Variants in DCC observed in about 807,000 individuals in gnomAD.
DCC encodes DCC netrin 1 receptor, also known as netrin receptor DCC.
Under a neutral mutation model 172.5 loss-of-function variants are expected in DCC, and 58 were observed. That is an observed-to-expected ratio of 0.34 (90% CI 0.27 to 0.42). The LOEUF is 0.42. Ranked by LOEUF, DCC falls within the 10% of genes least tolerant of loss-of-function variation. The pLI is 1.00. For synonymous variants in DCC, 709 were observed against 644.5 expected (o/e 1.10, Z -1.52); for missense variants, 1,740 against 1,791.0 (o/e 0.97, Z 0.51).
At chr18:52,687,762 C>G (rs966998062) in intron 1 of DCC, among the ~76,000 whole-genome samples, 3 of 151,904 alleles carry the variant, frequency 2.0e-5, no homozygotes, top group Admixed American at 6.6e-5. Flanking sequence ...GCAGTGGTAC[C>G]TAGAGTTTTA....
At chr18:52,590,539 T>G (rs1342216826) in intron 1 of DCC, among the ~76,000 whole-genome samples, 2 of 152,232 alleles carry the variant, frequency 1.3e-5, no homozygotes, top group Non-Finnish European at 2.9e-5. Context: ...ACAGATCTGT[T>G]TGTTTCAGAA....
chr18:53,010,183 AC>A (rs1268602403), intron 5 of DCC, among the ~76,000 whole-genome samples: 1 of 151,902 alleles, frequency 6.6e-6, no homozygotes, highest in Non-Finnish European at 1.5e-5. Context: ...GAAGCAAAAT[AC>A]CCTGTCTAAT....
At chr18:53,086,698 C>A (rs1214060155) in intron 7 of DCC, among the ~76,000 whole-genome samples, 1 of 127,492 alleles carries the variant, frequency 7.8e-6, no homozygotes, top group East Asian at 2.2e-4. Flanking sequence ...TGCGCTGCAC[C>A]CACTAACTCG....
chr18:52,675,776 T>C (rs978279655), intron 1 of DCC, among the ~76,000 whole-genome samples: 1 of 152,238 alleles, frequency 6.6e-6, no homozygotes, highest in African/African-American at 2.4e-5. Context: ...AGCGTTGACA[T>C]AGAAAAAGAT....
intron 27 of DCC, among the ~76,000 whole-genome samples, chr18:53,499,963 C>A (rs780873177): frequency 1.3e-5 from 2 of 152,124 alleles, no homozygotes; most frequent in Non-Finnish European, 2.9e-5. Context: ...CTCAGGAGTT[C>A]TTATTTATTT....
Position 52,375,095 on chromosome 18 carries a change from G to A in DCC, c.91+34217G>A, listed in dbSNP as rs545239723. Reference sequence around the variant, plus strand: ...TCTTCTTGATCCCCCTTTGTGGTACGTGGTTGCCTTTTGACAAAAGAATGT... The same window carrying A: ...TCTTCTTGATCCCCCTTTGTGGTACATGGTTGCCTTTTGACAAAAGAATGT... On this transcript the variant is annotated intron_variant, in intron 1 of 28. Coordinates refer to ENST00000442544, the MANE Select transcript of DCC (RefSeq NM_005215.4). Among the ~76,000 whole-genome samples, 10 of 152,280 alleles carry A rather than the reference G, an allele frequency of 6.6e-5. No homozygotes were observed. In the East Asian group the frequency reaches 9.7e-4, roughly 15 times the overall value.
chr18:53,433,935 T>C (rs1438322737), intron 21 of DCC, among the ~76,000 whole-genome samples: 2 of 152,242 alleles, frequency 1.3e-5, no homozygotes, highest in Non-Finnish European at 2.9e-5. Flanking sequence ...TTTGACATCC[T>C]AACTTCAGCT....
intron 1 of DCC, among the ~76,000 whole-genome samples, chr18:52,544,439 C>CTTTA (rs1219517937): frequency 6.6e-6 from 1 of 150,768 alleles, no homozygotes; most frequent in Non-Finnish European, 1.5e-5. Flanking sequence ...TTCTGTTTTT[C>CTTTA]TTTCTTTCTT....
At chr18:52,781,189 ATTC>A (rs1362691246) in intron 2 of DCC, among the ~76,000 whole-genome samples, 1 of 152,126 alleles carries the variant, frequency 6.6e-6, no homozygotes, top group African/African-American at 2.4e-5. Context: ...GGCTGTTTGA[ATTC>A]TTCTTGGTTT....
chr18:53,396,865 A>G (rs1400773752), intron 17 of DCC, among the ~76,000 whole-genome samples: 1 of 152,192 alleles, frequency 6.6e-6, no homozygotes, highest in Non-Finnish European at 1.5e-5. Flanking sequence ...AATTTCAAAA[A>G]TTGAGTTGAC....
intron 12 of DCC, among the ~76,000 whole-genome samples, chr18:53,264,262 G>A (rs568376573): frequency 1.3e-5 from 2 of 152,222 alleles, no homozygotes; most frequent in Non-Finnish European, 2.9e-5. Context: ...GCCGAGGCAG[G>A]CAGATCATGA....
At chr18:53,112,639 C>G (rs10163983) in intron 7 of DCC, among the ~76,000 whole-genome samples, 104,531 of 151,354 alleles carry the variant, frequency 0.69, 37,906 homozygotes, top group African/African-American at 0.9. Flanking sequence ...TATGTAAGGA[C>G]CTTGAGACAT....
At chr18:52,857,031 C>A (rs986263865) in intron 2 of DCC, among the ~76,000 whole-genome samples, 1 of 152,168 alleles carries the variant, frequency 6.6e-6, no homozygotes, top group African/African-American at 2.4e-5. Context: ...ACATTCTCTT[C>A]TTTTAGCTTT....
chr18:53,418,359 C>G (rs952715134), intron 21 of DCC, among the ~76,000 whole-genome samples: 1 of 151,932 alleles, frequency 6.6e-6, no homozygotes, highest in Non-Finnish European at 1.5e-5. Flanking sequence ...TGAGAAATAA[C>G]CCAGATTAAA....
intron 2 of DCC, among the ~76,000 whole-genome samples, chr18:52,821,405 T>G (rs760272230): frequency 3.9e-5 from 6 of 152,352 alleles, no homozygotes; most frequent in Non-Finnish European, 5.9e-5. Flanking sequence ...TAGTTTCCAT[T>G]AAAAATATAT....
intron 1 of DCC, among the ~76,000 whole-genome samples, chr18:52,353,237 TTTGTGTG>T (rs1244506094): frequency 2.0e-5 from 3 of 151,858 alleles, no homozygotes; most frequent in Non-Finnish European, 2.9e-5. Flanking sequence ...GAAAATGCTC[TTTGTGTG>T]TTCCATCTGC....
rs567019377 is a variant in DCC at position 52,801,002 on chromosome 18, C to T, written c.412+48628C>T. 3.9e-5 allele frequency among the ~76,000 whole-genome samples: 6 copies of T among 152,240 alleles called. No homozygotes were observed. In the East Asian group the frequency reaches 9.7e-4, roughly 25 times the overall value. ...GAGCCTTTCTTCAGGTAGTCTCATC[C>T]TCTGGCAGGCTAGCTTGGAATTGTT... On this transcript the variant is annotated intron_variant, in intron 2 of 28. Coordinates refer to ENST00000442544, the MANE Select transcript of DCC (RefSeq NM_005215.4).
intron 5 of DCC, among the ~76,000 whole-genome samples, chr18:52,985,042 T>C (rs975068063): frequency 1.3e-5 from 2 of 152,088 alleles, no homozygotes; most frequent in Admixed American, 1.3e-4. Flanking sequence ...TGAAAATACA[T>C]TTTTCTTAAA....
At chr18:53,065,897 G>A (rs2042558954) in intron 6 of DCC, 149 bp from the exon 7 acceptor site, 3 of 866,612 alleles carry the variant, frequency 3.5e-6, no homozygotes, top group Non-Finnish European at 3.8e-6. Flanking sequence ...AGGTGGCATA[G>A]GACACGTCTG....
Sources: allele counts gnomAD v4.1 joint callset (sites outside exome capture counted in the v4.1 genomes callset), GRCh38; gene constraint gnomAD v4.1.1; transcripts MANE v1.5; gene names NCBI Gene and HGNC (gene_info 2026-07-23, HGNC 2026-07-21).